PEDS1: variants seen among roughly 807,000 people sequenced by gnomAD.
PEDS1 encodes CarF homolog.
A neutral mutation model predicts 35.2 loss-of-function variants in PEDS1; 14 were observed. That is an observed-to-expected ratio of 0.40 (90% CI 0.26 to 0.62). The LOEUF (loss-of-function observed/expected upper bound fraction) is 0.62, where lower values mean the gene tolerates loss of function less well. Among genes scored for constraint, PEDS1 ranks in the 20% least tolerant of loss-of-function variants. PEDS1 has a pLI of 0.44. For synonymous variants in PEDS1, 152 were observed against 152.0 expected (o/e 1.00, Z 0.00); for missense variants, 260 against 367.8 (o/e 0.71, Z 2.40).
At chr20:50,143,436 C>T (rs1000223296) in intron 2 of PEDS1, 66 bp downstream of exon 2, 4 of 1,557,210 alleles carry the variant, frequency 2.6e-6, no homozygotes, top group Admixed American at 2.0e-5. Context: ...ACACACGCGC[C>T]AGTTACCCGG....
chr20:50,135,012 G>A (rs1210336111), intron 2 of PEDS1, among the ~76,000 whole-genome samples: 3 of 151,866 alleles, frequency 2.0e-5, no homozygotes, highest in Admixed American at 6.6e-5. Context: ...GTGAAACCCC[G>A]TCTTTACTAA....
intron 2 of PEDS1, 89 bp downstream of exon 2, chr20:50,143,413 T>C (rs2147297611): frequency 2.0e-6 from 3 of 1,531,464 alleles, no homozygotes; most frequent in Non-Finnish European, 1.8e-6. Flanking sequence ...CACACATCCA[T>C]GCATGTGGAC....
At chr20:50,135,599 G>A (rs549806511) in intron 2 of PEDS1, among the ~76,000 whole-genome samples, 4 of 147,822 alleles carry the variant, frequency 2.7e-5, no homozygotes, top group East Asian at 2.0e-4. Context: ...TAGAGGTTGC[G>A]GTGAGCTGAG....
In PEDS1 at chr20:50,120,842, GA is replaced by G. The variant is rs148547339; in HGVS notation, c.*4215del. Reference sequence around the variant, plus strand: ...TGACAGAGCAAGACCCCGTCTCCAGGAAAAAAAAAAGGCGGGGTGATGGAGT... The same window carrying G: ...TGACAGAGCAAGACCCCGTCTCCAGGAAAAAAAAAGGCGGGGTGATGGAGT... On this transcript the variant is annotated 3_prime_UTR_variant, in exon 6 of 6. Coordinates refer to ENST00000371652, the MANE Select transcript of PEDS1 (RefSeq NM_199129.4). 29 of 148,496 alleles carry G rather than the reference GA, an allele frequency of 2.0e-4. No homozygotes were observed. The highest frequency in any genetic ancestry group is 3.0e-4 in the Non-Finnish European group (20 of 67,056). 9.2% of individuals were successfully genotyped at this position (148,496 alleles called of 1,614,324 possible). A position where few individuals can be genotyped will look rare whatever the true frequency, so the allele number is the denominator to read the frequency against.
At chr20:50,144,909 A>T (rs2081330601) in intron 1 of PEDS1, among the ~76,000 whole-genome samples, 1 of 152,218 alleles carries the variant, frequency 6.6e-6, no homozygotes, top group Non-Finnish European at 1.5e-5. Flanking sequence ...TTAAAATAAA[A>T]AAATAAAAGG....
intron 3 of PEDS1, 64 bp downstream of exon 3, chr20:50,130,792 G>T: frequency 6.3e-7 from 1 of 1,586,674 alleles, no homozygotes; most frequent in South Asian, 1.1e-5. Context: ...GAAGAAAGGG[G>T]ACTCACTCAA....
At position 50,129,810 on chromosome 20, in the gene PEDS1, C is replaced by A. The variant is rs188002478; in HGVS notation, c.334-120G>T. ...CGCCTTTGATCCTAAGTTTCCTCCA[C>A]CCGGGATGCTTGAACATTCCCACCT... On this transcript the variant is annotated intron_variant, in intron 3 of 5. Transcript: ENST00000371652. This position sits in a 1 kb window ranked among gnomAD's most constrained non-coding sequence, Gnocchi z 4.2. The A allele has an allele frequency of 2.7e-6, 4 of 1,469,238 alleles. No homozygotes were observed. Among genetic ancestry groups the A allele is most frequent in the Non-Finnish European group, 3.6e-6 (4 of 1,103,562 alleles). 91.0% of individuals were successfully genotyped at this position (1,469,238 alleles called of 1,614,324 possible). A position where few individuals can be genotyped will look rare whatever the true frequency, so the allele number is the denominator to read the frequency against.
chr20:50,127,330 G>A (rs969157882), intron 5 of PEDS1, among the ~76,000 whole-genome samples: 2 of 144,806 alleles, frequency 1.4e-5, no homozygotes, highest in Admixed American at 7.1e-5. Flanking sequence ...GCAAGGATCC[G>A]TGTTTTCTGG....
chr20:50,128,012 G>A lies in PEDS1; in HGVS notation c.654C>T (p.His218=), dbSNP rs147515281. Residue 218 remains histidine, a synonymous_variant, in exon 5 of 6, where the codon CAC becomes CAT. Coordinates refer to ENST00000371652, the MANE Select transcript of PEDS1 (RefSeq NM_199129.4). The surrounding 1 kb of genome is among the most constrained non-coding windows in gnomAD (Gnocchi z 5.2). ...ILPRKHHRIH[H]VSPHETYFCI... is the part of the protein sequence containing the mutation. ...AGAAGTAGGTCTCGTGGGGTGAGACGTGGTGGATGCGATGGTGTTTACGTG... is the reference window on the plus strand; with the variant it reads ...AGAAGTAGGTCTCGTGGGGTGAGACATGGTGGATGCGATGGTGTTTACGTG... 2.1e-4 allele frequency: 332 copies of A among 1,614,204 alleles called. 1 individual carries two copies. Among genetic ancestry groups the A allele is most frequent in the Admixed American group, 8.3e-5 (5 of 60,028 alleles).
intron 2 of PEDS1, among the ~76,000 whole-genome samples, chr20:50,138,748 C>G (rs1207599762): frequency 6.6e-6 from 1 of 152,244 alleles, no homozygotes; most frequent in African/African-American, 2.4e-5. Context: ...ACAGAAGCCT[C>G]TTTGTCCCAG....
At chr20:50,131,660 G>A (rs987991881) in intron 2 of PEDS1, among the ~76,000 whole-genome samples, 6 of 151,596 alleles carry the variant, frequency 4.0e-5, no homozygotes, top group Non-Finnish European at 7.4e-5. Context: ...GCAGATAGAA[G>A]CCTCGCTGCT....
At position 50,153,670 on chromosome 20, in the gene PEDS1, C is replaced by A; in HGVS notation, c.-33G>T. The A allele has an allele frequency of 1.1e-5, 13 of 1,214,908 alleles. No individual in the cohort carries two copies. Among genetic ancestry groups the A allele is most frequent in the Non-Finnish European group, 1.2e-5 (12 of 977,142 alleles). 75.3% of individuals were successfully genotyped at this position (1,214,908 alleles called of 1,614,324 possible). On this transcript the variant is annotated 5_prime_UTR_variant, in exon 1 of 6. Transcript: ENST00000371652. ...CGCCCGATCGGCCCGGTGCGCTCTGCTGGCGGCGGCGGCGGCAGGGCCGCG... is the reference window on the plus strand; with the variant it reads ...CGCCCGATCGGCCCGGTGCGCTCTGATGGCGGCGGCGGCGGCAGGGCCGCG...
chr20:50,131,004 T>G, intron 2 of PEDS1, 57 bp from the exon 3 acceptor site: 1 of 1,613,848 alleles, frequency 6.2e-7, no homozygotes, highest in Non-Finnish European at 8.5e-7. Context: ...TCAGAATCAC[T>G]CATTCATTTA....
At chr20:50,152,434 G>C (rs1170212912) in intron 1 of PEDS1, among the ~76,000 whole-genome samples, 1 of 152,222 alleles carries the variant, frequency 6.6e-6, no homozygotes. Flanking sequence ...CCCAGGTAGA[G>C]GTGCCTCCCA....
chr20:50,129,444 A>C lies in PEDS1; in HGVS notation c.478+102T>G. The C allele has an allele frequency of 1.4e-6, 2 of 1,471,720 alleles. No homozygotes were observed. The highest frequency in any genetic ancestry group is 1.8e-6 in the Non-Finnish European group (2 of 1,108,070). 91.2% of individuals were successfully genotyped at this position (1,471,720 alleles called of 1,614,324 possible). ...AAGACAATGAATGAAAACTCTTTTA[A>C]AATACCATAAGGAGCCAAACACATA... On this transcript the variant is annotated intron_variant, in intron 4 of 5. Transcript: ENST00000371652. The surrounding 1 kb of genome is among the most constrained non-coding windows in gnomAD (Gnocchi z 4.2).
At chr20:50,130,728 A>C in intron 3 of PEDS1, 128 bp downstream of exon 3, 1 of 1,183,426 alleles carries the variant, frequency 8.5e-7, no homozygotes, top group East Asian at 2.5e-5. Flanking sequence ...CACAGGGGTG[A>C]GGGACAGGCT....
At chr20:50,145,143 A>G (rs2081332944) in intron 1 of PEDS1, among the ~76,000 whole-genome samples, 1 of 152,244 alleles carries the variant, frequency 6.6e-6, no homozygotes, top group African/African-American at 2.4e-5. Flanking sequence ...TGGAGATTGC[A>G]GGGAGCTGAG....
chr20:50,150,361 T>C (rs1239497058), intron 1 of PEDS1, among the ~76,000 whole-genome samples: 1 of 152,150 alleles, frequency 6.6e-6, no homozygotes, highest in Non-Finnish European at 1.5e-5. Context: ...CCAGCCTACA[T>C]GTGTCCTCCA....
At chr20:50,146,534 T>G (rs1029032160) in intron 1 of PEDS1, among the ~76,000 whole-genome samples, 3 of 152,180 alleles carry the variant, frequency 2.0e-5, no homozygotes, top group Non-Finnish European at 4.4e-5. Context: ...AAGGAAGTAC[T>G]GGGTTCCCCA....
Sources: allele counts gnomAD v4.1 joint callset (sites outside exome capture counted in the v4.1 genomes callset), GRCh38; gene constraint gnomAD v4.1.1; non-coding constraint Gnocchi (gnomAD v3.1); transcripts MANE v1.5; gene names NCBI Gene and HGNC (gene_info 2026-07-23, HGNC 2026-07-21).